Variants in ULK4 observed in about 807,000 individuals in gnomAD.
ULK4 encodes the protein unc-51 like kinase 4.
In ULK4, 133 loss-of-function variants were observed where a neutral mutation model predicts 160.6. That is an observed-to-expected ratio of 0.83 (90% CI 0.72 to 0.96). The LOEUF (loss-of-function observed/expected upper bound fraction) is 0.96, where lower values mean the gene tolerates loss of function less well. Ranked by LOEUF, ULK4 falls within the 40% of genes least tolerant of loss-of-function variation. The probability of loss-of-function intolerance (pLI) is 0.00; values close to 1 mark genes in which losing one functional copy is unlikely to be tolerated. For missense variants in ULK4, 1,580 were observed against 1,499.5 expected, an observed-to-expected ratio of 1.05 and a Z score of -0.89; for synonymous variants, 534 against 539.8, an observed-to-expected ratio of 0.99 and a Z score of 0.15.
chr3:41,716,255 T>TAAG (rs1220928101), intron 23 of ULK4, among the ~76,000 whole-genome samples: 1 of 136,564 alleles, frequency 7.3e-6, no homozygotes, highest in Non-Finnish European at 1.6e-5. Flanking sequence ...ATAATAATAA[T>TAAG]AAGTGAACGA....
rs562503191 is a variant in ULK4, at chr3:41,651,673, A to T, written c.3071+11934T>A. ...ACTATAAGACCTCAAGAGACAGAAA[A>T]GTAAAAAGGAATTTTCTTGTGGGCA... On this transcript the variant is annotated intron_variant, in intron 30 of 36. Coordinates refer to ENST00000301831, the MANE Select transcript of ULK4 (RefSeq NM_017886.4). 2.0e-5 allele frequency among the ~76,000 whole-genome samples: 3 copies of T among 152,358 alleles called. No homozygotes were observed. The East Asian group carries it at 5.8e-4, about 29-fold the overall frequency.
intron 35 of ULK4, among the ~76,000 whole-genome samples, chr3:41,313,810 C>T (rs1266236016): frequency 1.3e-5 from 2 of 152,158 alleles, no homozygotes; most frequent in South Asian, 2.1e-4. Context: ...ATTTTGAATA[C>T]AGACCGGGCT....
intron 32 of ULK4, among the ~76,000 whole-genome samples, chr3:41,472,159 T>TA (rs1200063575): frequency 2.0e-5 from 3 of 151,220 alleles, no homozygotes; most frequent in Admixed American, 2.0e-4. Context: ...TAAACAGAAA[T>TA]ACAAAGAATC....
chr3:41,550,921 C>T (rs1215291505), intron 32 of ULK4, among the ~76,000 whole-genome samples: 1 of 151,910 alleles, frequency 6.6e-6, no homozygotes, highest in African/African-American at 2.4e-5. Flanking sequence ...AAATCAAAAT[C>T]ATATCAACTA....
intron 20 of ULK4, among the ~76,000 whole-genome samples, chr3:41,791,767 TAAAC>T (rs1186444681): frequency 6.6e-6 from 1 of 152,170 alleles, no homozygotes; most frequent in Non-Finnish European, 1.5e-5. Flanking sequence ...ATTTCTGAAA[TAAAC>T]AAGTAAATAT....
intron 29 of ULK4, among the ~76,000 whole-genome samples, chr3:41,681,046 C>CA (rs970250470): frequency 2.0e-5 from 3 of 152,148 alleles, no homozygotes; most frequent in Admixed American, 2.0e-4. Flanking sequence ...CCTGTTCCGC[C>CA]ACCTCCACCC....
rs796762248 is a variant in ULK4 at position 41,761,857 on chromosome 3, C to T, written c.2194-7369G>A. Among the ~76,000 whole-genome samples the T allele has an allele frequency of 2.0e-5, 3 of 152,182 alleles. No individual in the cohort carries two copies. In the South Asian group the frequency reaches 6.2e-4, roughly 32 times the overall value. ...ATGGGAGACTGAGGCAGGAGAATTG[C>T]TTGAGCTCAGGAGTTCCAGACCAGC... On this transcript the variant is annotated intron_variant, in intron 21 of 36. Coordinates refer to ENST00000301831, the MANE Select transcript of ULK4 (RefSeq NM_017886.4).
chr3:41,278,912 T>C (rs924514509), intron 35 of ULK4, among the ~76,000 whole-genome samples: 18 of 152,142 alleles, frequency 1.2e-4, no homozygotes, highest in African/African-American at 3.6e-4. Context: ...CGCAGCCCCA[T>C]GCCGGCAGCG....
chr3:41,821,188 G>A (rs1222950655), intron 18 of ULK4, among the ~76,000 whole-genome samples: 1 of 152,050 alleles, frequency 6.6e-6, no homozygotes, highest in East Asian at 1.9e-4. Flanking sequence ...CTTTACTCTT[G>A]TTTGGGAAAC....
intron 21 of ULK4, among the ~76,000 whole-genome samples, chr3:41,776,431 GA>G (rs563106267): frequency 1.5e-4 from 22 of 149,620 alleles, no homozygotes; most frequent in Middle Eastern, 3.4e-3. Context: ...TCTTATGTCA[GA>G]AAAAAAATCT....
chr3:41,667,413 A>C (rs1411994937), intron 29 of ULK4, among the ~76,000 whole-genome samples: 1 of 152,228 alleles, frequency 6.6e-6, no homozygotes, highest in Non-Finnish European at 1.5e-5. Flanking sequence ...TAATCAAATG[A>C]TAGGTTTATA....
At chr3:41,631,209 G>A (rs75008287) in intron 30 of ULK4, among the ~76,000 whole-genome samples, 3,925 of 152,214 alleles carry the variant, frequency 0.026, 120 homozygotes, top group Non-Finnish European at 0.033. Context: ...TACATATATA[G>A]GGAGTTATTT....
intron 21 of ULK4, among the ~76,000 whole-genome samples, chr3:41,770,703 G>A (rs973440398): frequency 2.0e-5 from 3 of 151,990 alleles, no homozygotes. Flanking sequence ...AGTAGAGACA[G>A]GGTCTCGCCA....
chr3:41,534,392 C>T (rs1218595234), intron 32 of ULK4, among the ~76,000 whole-genome samples: 3 of 151,676 alleles, frequency 2.0e-5, no homozygotes, highest in African/African-American at 4.9e-5. Flanking sequence ...AAGGTCATTG[C>T]ACAGGGATTA....
At chr3:41,275,486 A>T (rs1304560047) in intron 35 of ULK4, among the ~76,000 whole-genome samples, 2 of 152,244 alleles carry the variant, frequency 1.3e-5, no homozygotes, top group African/African-American at 2.4e-5. Context: ...TGCCTACAAG[A>T]TCAAAGCCTC....
At chr3:41,725,675 T>C (rs1219688935) in intron 22 of ULK4, among the ~76,000 whole-genome samples, 2 of 152,230 alleles carry the variant, frequency 1.3e-5, no homozygotes, top group Non-Finnish European at 2.9e-5. Flanking sequence ...GTATTCCCTA[T>C]GGATACTGTC....
chr3:41,817,625 G>A (rs548245296), intron 19 of ULK4, among the ~76,000 whole-genome samples: 1 of 152,174 alleles, frequency 6.6e-6, no homozygotes, highest in African/African-American at 2.4e-5. Context: ...TTCTAGAGGG[G>A]AGAAGGTGGA....
chr3:41,788,396 A>C (rs2040054690), intron 21 of ULK4, among the ~76,000 whole-genome samples: 1 of 152,064 alleles, frequency 6.6e-6, no homozygotes, highest in African/African-American at 2.4e-5. Context: ...TGAAAGGTAC[A>C]CCTCTCTACC....
At chr3:41,722,908 G>A (rs958102291) in intron 22 of ULK4, among the ~76,000 whole-genome samples, 3 of 152,130 alleles carry the variant, frequency 2.0e-5, no homozygotes, top group African/African-American at 7.2e-5. Context: ...CTGTCTCCTG[G>A]TACACATGTG....
Sources: gnomAD v4.1 joint callset for allele counts (sites outside exome capture counted in the v4.1 genomes callset) on GRCh38, gnomAD v4.1.1 for gene constraint, MANE v1.5 for transcripts, NCBI Gene and HGNC (gene_info 2026-07-23, HGNC 2026-07-21) for gene names.